Variants in FLI1 observed in about 807,000 individuals in gnomAD.
FLI1 encodes the protein Fli-1 proto-oncogene, ETS transcription factor.
Under a neutral mutation model 53.1 loss-of-function variants are expected in FLI1, and 13 were observed. That is an observed-to-expected ratio of 0.24 (90% CI 0.16 to 0.39). The LOEUF is 0.39. Ranked by LOEUF, FLI1 falls within the 10% of genes least tolerant of loss-of-function variation. The pLI, the probability that FLI1 is intolerant of heterozygous loss-of-function variation, is 1.00. For synonymous variants in FLI1, 244 were observed against 236.7 expected (o/e 1.03, Z -0.28); for missense variants, 424 against 600.5 (o/e 0.71, Z 3.07).
chr11:128,718,860 A>C (rs979339629), intron 1 of FLI1, among the ~76,000 whole-genome samples: 1 of 152,226 alleles, frequency 6.6e-6, no homozygotes, highest in African/African-American at 2.4e-5. Flanking sequence ...GGTTAGACTC[A>C]GTGGAAAATC....
intron 5 of FLI1, among the ~76,000 whole-genome samples, chr11:128,784,375 G>T (rs984049669): frequency 1.3e-5 from 2 of 152,000 alleles, no homozygotes; most frequent in Admixed American, 1.3e-4. Flanking sequence ...GCTCATTCAG[G>T]CTTATTGCAG....
Position 128,810,025 on chromosome 11 carries a change from GC to G in FLI1, c.830-430del, listed in dbSNP as rs146202964. Among the ~76,000 whole-genome samples, 2,096 of 152,154 alleles carry G rather than the reference GC, an allele frequency of 0.014. 40 individuals are homozygous for G. The highest frequency in any genetic ancestry group is 0.047 in the African/African-American group (1,960 of 41,496). Reference sequence around the variant, plus strand: ...CCAATGACTCCCACAGTCATGCCTTGCCCCTGACTTTTTATTGCTGACAGGG... The same window carrying G: ...CCAATGACTCCCACAGTCATGCCTTGCCCTGACTTTTTATTGCTGACAGGG... On this transcript the variant is annotated intron_variant, in intron 8 of 8. Coordinates refer to ENST00000527786, the MANE Select transcript of FLI1 (RefSeq NM_002017.5). This position sits in a 1 kb window ranked among gnomAD's most constrained non-coding sequence, Gnocchi z 6.6.
Position 128,742,439 on chromosome 11 carries a change from A to G in FLI1, c.19-15676A>G, listed in dbSNP as rs914889488. On this transcript the variant is annotated intron_variant, in intron 1 of 8. Transcript: ENST00000527786. ...TTGTGAGACAAGACATGTTAAAGAA[A>G]TATCCAGAGTGACCTTTGCATGTTT... Among the ~76,000 whole-genome samples, 3 of 152,346 alleles carry G rather than the reference A, an allele frequency of 2.0e-5. No individual in the cohort carries two copies. The East Asian group carries it at 5.8e-4, about 29-fold the overall frequency.
intron 4 of FLI1, 80 bp downstream of exon 4, chr11:128,773,065 G>C: frequency 1.5e-6 from 2 of 1,333,218 alleles, no homozygotes; most frequent in Non-Finnish European, 2.1e-6. Context: ...AGTGCTGCCC[G>C]TTCGTGTTGG....
chr11:128,759,598 A>G (rs1265770109), intron 2 of FLI1, among the ~76,000 whole-genome samples: 1 of 152,244 alleles, frequency 6.6e-6, no homozygotes, highest in Non-Finnish European at 1.5e-5. Flanking sequence ...AGTGTGAATG[A>G]AGGGGGTGCA....
chr11:128,745,721 C>A (rs545730773), intron 1 of FLI1, among the ~76,000 whole-genome samples: 3 of 152,346 alleles, frequency 2.0e-5, no homozygotes, highest in South Asian at 2.1e-4. Context: ...CTGGCTGCTG[C>A]CAGTCACACA....
chr11:128,688,030 A>G (rs2135674024), intron 1 of FLI1, among the ~76,000 whole-genome samples: 1 of 152,340 alleles, frequency 6.6e-6, no homozygotes, highest in South Asian at 2.1e-4. Flanking sequence ...AAGTTTAGGA[A>G]GAGTACTCGG....
chr11:128,742,711 C>CA (rs1308977633), intron 1 of FLI1, among the ~76,000 whole-genome samples: 2 of 152,210 alleles, frequency 1.3e-5, no homozygotes, highest in African/African-American at 4.8e-5. Flanking sequence ...TCCCCTGGAC[C>CA]AAATCAGAGA....
intron 4 of FLI1, among the ~76,000 whole-genome samples, chr11:128,778,247 CA>C (rs1353330237): frequency 1.3e-5 from 2 of 152,084 alleles, no homozygotes; most frequent in South Asian, 4.2e-4. Context: ...GAGAGAAGTG[CA>C]AAAATCATGA....
At chr11:128,772,608 C>T (rs535335468) in intron 3 of FLI1, among the ~76,000 whole-genome samples, 174 bp from the exon 4 acceptor site, 1 of 152,246 alleles carries the variant, frequency 6.6e-6, no homozygotes, top group East Asian at 1.9e-4. Flanking sequence ...GTTCAGGCAG[C>T]GCCAGATGCC....
intron 1 of FLI1, among the ~76,000 whole-genome samples, chr11:128,728,515 C>T (rs551965177): frequency 2.0e-5 from 3 of 152,342 alleles, no homozygotes; most frequent in East Asian, 3.9e-4. Flanking sequence ...ACATTTCTTC[C>T]ATAACTGCAG....
At chr11:128,723,292 G>A (rs555834556) in intron 1 of FLI1, among the ~76,000 whole-genome samples, 7 of 152,206 alleles carry the variant, frequency 4.6e-5, no homozygotes, top group African/African-American at 1.4e-4. Flanking sequence ...CAGTGTAGGC[G>A]GGATGGAAGC....
intron 1 of FLI1, among the ~76,000 whole-genome samples, chr11:128,747,335 C>T (rs1003484440): frequency 3.3e-5 from 5 of 152,198 alleles, no homozygotes; most frequent in East Asian, 1.9e-4. Context: ...TGACATCTGG[C>T]GGAATAGAGT....
intron 3 of FLI1, among the ~76,000 whole-genome samples, chr11:128,771,261 T>C (rs2300592): frequency 0.13 from 20,075 of 152,270 alleles, 1,366 homozygotes; most frequent in Admixed American, 0.16. Context: ...GGCTGTGACC[T>C]GTGAACCCAA....
intron 1 of FLI1, among the ~76,000 whole-genome samples, chr11:128,722,653 A>T (rs969526371): frequency 9.9e-5 from 15 of 152,278 alleles, no homozygotes; most frequent in African/African-American, 3.6e-4. Context: ...GATGTATTCT[A>T]TAACAAAAAT....
At chr11:128,808,194 A>G (rs1029523337) in intron 7 of FLI1, among the ~76,000 whole-genome samples, 1 of 152,222 alleles carries the variant, frequency 6.6e-6, no homozygotes, top group Non-Finnish European at 1.5e-5. Flanking sequence ...CATATTAATG[A>G]TGTGGATGAG....
intron 5 of FLI1, among the ~76,000 whole-genome samples, chr11:128,798,857 G>T (rs1315064177): frequency 6.6e-6 from 1 of 152,146 alleles, no homozygotes; most frequent in South Asian, 2.1e-4. Context: ...GCACCTGACA[G>T]TGGGGGAGGA....
At chr11:128,805,762 T>G (rs631297) in intron 6 of FLI1, 61,454 of 230,818 alleles carry the variant, frequency 0.27, 8,937 homozygotes, top group Non-Finnish European at 0.32. Flanking sequence ...ATAATGACTC[T>G]CTATAATTTT....
rs1172457466 is a variant in FLI1 at position 128,812,138 on chromosome 11, C to T, written c.*1150C>T. ...GGTACAGTTATTTAACAGGCATACA[C>T]AAGCAGGGAAAAGATAATCCATTTA... On this transcript the variant is annotated 3_prime_UTR_variant, in exon 9 of 9. Transcript: ENST00000527786. 1 of 213,698 alleles carries T rather than the reference C, an allele frequency of 4.7e-6. No homozygotes were observed. The highest frequency in any genetic ancestry group is 9.5e-6 in the Non-Finnish European group (1 of 105,702). 13.2% of individuals were successfully genotyped at this position (213,698 alleles called of 1,614,324 possible). A position where few individuals can be genotyped will look rare whatever the true frequency, so the allele number is the denominator to read the frequency against.
Sources: allele counts gnomAD v4.1 joint callset (sites outside exome capture counted in the v4.1 genomes callset), GRCh38; gene constraint gnomAD v4.1.1; non-coding constraint Gnocchi (gnomAD v3.1); transcripts MANE v1.5; gene names NCBI Gene and HGNC (gene_info 2026-07-23, HGNC 2026-07-21).